The following NIM1K variants were observed in gnomAD, a reference collection of about 807,000 sequenced individuals.
NIM1K encodes serine/threonine-protein kinase NIM1.
A neutral mutation model predicts 37.1 loss-of-function variants in NIM1K; 35 were observed. The observed-to-expected ratio is 0.94, with a 90% CI of 0.72 to 1.25. NIM1K has a LOEUF of 1.25. NIM1K is among the 50% of genes most tolerant of loss of function. The pLI is 0.00. For missense variants in NIM1K, 564 were observed against 548.0 expected, an observed-to-expected ratio of 1.03 and a Z score of -0.29; for synonymous variants, 234 against 206.6, an observed-to-expected ratio of 1.13 and a Z score of -1.14.
At chr5:43,233,098 A>G in intron 1 of NIM1K, 2 of 1,346,964 alleles carry the variant, frequency 1.5e-6, no homozygotes, top group Non-Finnish European at 1.1e-6. Context: ...GCCATGTTCC[A>G]GGCAGTAGGG....
chr5:43,262,228 T>C (rs1327651537), intron 2 of NIM1K, among the ~76,000 whole-genome samples: 3 of 152,238 alleles, frequency 2.0e-5, no homozygotes, highest in Non-Finnish European at 4.4e-5. Context: ...ATATTGATTC[T>C]TCCTATCCAT....
chr5:43,221,075 C>T (rs1054305335), intron 1 of NIM1K, among the ~76,000 whole-genome samples: 8 of 152,006 alleles, frequency 5.3e-5, no homozygotes, highest in East Asian at 1.9e-4. Context: ...GAACTCACAG[C>T]GAGTCCCAAT....
chr5:43,202,955 G>T (rs1306644541), intron 1 of NIM1K, among the ~76,000 whole-genome samples: 1 of 152,118 alleles, frequency 6.6e-6, no homozygotes, highest in Non-Finnish European at 1.5e-5. Context: ...GATTTTCAAT[G>T]GCGCCTCACA....
intron 1 of NIM1K, among the ~76,000 whole-genome samples, chr5:43,205,364 G>A (rs1752093011): frequency 1.3e-5 from 2 of 152,196 alleles, no homozygotes; most frequent in South Asian, 2.1e-4. Flanking sequence ...AATGTCTGAT[G>A]TACAGTAAGT....
At chr5:43,196,921 C>T (rs574799485) in intron 1 of NIM1K, among the ~76,000 whole-genome samples, 3 of 149,284 alleles carry the variant, frequency 2.0e-5, no homozygotes, top group South Asian at 2.1e-4. Flanking sequence ...TATAGGTGCA[C>T]GCTACCATGC....
chr5:43,250,499 G>GCTTT (rs1434543180), intron 2 of NIM1K, among the ~76,000 whole-genome samples: 7 of 152,124 alleles, frequency 4.6e-5, no homozygotes, highest in Non-Finnish European at 7.3e-5. Flanking sequence ...TGGTCAGAGG[G>GCTTT]CATGCATTGA....
chr5:43,256,810 T>C (rs994520867), intron 2 of NIM1K, among the ~76,000 whole-genome samples: 1 of 152,220 alleles, frequency 6.6e-6, no homozygotes, highest in Non-Finnish European at 1.5e-5. Flanking sequence ...AATTCAGGCA[T>C]AACTCTTAGC....
At position 43,280,076 on chromosome 5, in the gene NIM1K, G is replaced by C. The variant is rs776701629; in HGVS notation, c.658G>C (p.Val220Leu). 1.2e-6 allele frequency: 2 copies of C among 1,614,062 alleles called. No homozygotes were observed. Among genetic ancestry groups the C allele is most frequent in the Non-Finnish European group, 1.7e-6 (2 of 1,180,030 alleles). Reference sequence around the variant, plus strand: ...GGTGGGCGATTTTGGATTCAGCACAGTAAGCAAAAAAGGTGAAATGCTGAA... The same window carrying C: ...GGTGGGCGATTTTGGATTCAGCACACTAAGCAAAAAAGGTGAAATGCTGAA... Reference protein sequence around the residue: ...VKVGDFGFSTVSKKGEMLNTF... With the variant: ...VKVGDFGFSTLSKKGEMLNTF... The change falls in exon 4 of 4, where the codon GTA (valine) becomes CTA (leucine). Residue 220 changes from valine to leucine, a missense_variant. Coordinates refer to ENST00000326035, the MANE Select transcript of NIM1K (RefSeq NM_153361.4).
At chr5:43,264,277 T>C (rs548985181) in intron 2 of NIM1K, among the ~76,000 whole-genome samples, 16 of 152,168 alleles carry the variant, frequency 1.1e-4, no homozygotes, top group African/African-American at 3.9e-4. Flanking sequence ...TAGGTCTCTA[T>C]GGACTTGTTT....
intron 1 of NIM1K, among the ~76,000 whole-genome samples, chr5:43,224,928 T>C (rs1389912206): frequency 6.6e-6 from 1 of 152,066 alleles, no homozygotes; most frequent in Non-Finnish European, 1.5e-5. Flanking sequence ...ACCCCTGACC[T>C]TGTGATCCAC....
intron 1 of NIM1K, chr5:43,193,366 C>T (rs1462378881): frequency 6.6e-6 from 1 of 151,176 alleles, no homozygotes; most frequent in Admixed American, 6.6e-5. Flanking sequence ...TCCCTCCCTC[C>T]CTTTCTCCCT....
At chr5:43,235,580 T>G (rs1752608666) in intron 1 of NIM1K, among the ~76,000 whole-genome samples, 1 of 152,382 alleles carries the variant, frequency 6.6e-6, no homozygotes, top group South Asian at 2.1e-4. Context: ...TGTTGGGACC[T>G]AAATTCTTAC....
intron 2 of NIM1K, among the ~76,000 whole-genome samples, chr5:43,272,702 G>T (rs777522228): frequency 3.3e-5 from 5 of 152,038 alleles, no homozygotes; most frequent in African/African-American, 1.2e-4. Context: ...GACGTATTTT[G>T]CTTGGTCTAA....
chr5:43,233,943 A>AGAT (rs1752580081), intron 1 of NIM1K, among the ~76,000 whole-genome samples: 1 of 152,230 alleles, frequency 6.6e-6, no homozygotes, highest in African/African-American at 2.4e-5. Context: ...TCCTCAGAGA[A>AGAT]GATGGGAAGA....
intron 2 of NIM1K, among the ~76,000 whole-genome samples, chr5:43,259,847 C>A (rs571376381): frequency 2.6e-4 from 40 of 152,104 alleles, no homozygotes; most frequent in African/African-American, 8.7e-4. Flanking sequence ...GTCTTAGTCA[C>A]AAATTCTTTA....
At chr5:43,201,973 C>CA (rs1233857895) in intron 1 of NIM1K, among the ~76,000 whole-genome samples, 2,400 of 88,906 alleles carry the variant, frequency 0.027, 58 homozygotes, top group African/African-American at 0.082. Flanking sequence ...GACTCCCTCT[C>CA]AAAAAAAAAA....
intron 1 of NIM1K, among the ~76,000 whole-genome samples, chr5:43,241,899 C>T (rs147244168): frequency 6.6e-6 from 1 of 151,932 alleles, no homozygotes; most frequent in Non-Finnish European, 1.5e-5. Context: ...GTTTATTTTA[C>T]ATTTACTTAG....
chr5:43,252,149 T>C (rs974097607), intron 2 of NIM1K, among the ~76,000 whole-genome samples: 1 of 152,010 alleles, frequency 6.6e-6, no homozygotes, highest in African/African-American at 2.4e-5. Context: ...TAATAATTAG[T>C]GTTTATATAC....
rs557683004 is a variant in NIM1K at position 43,217,533 on chromosome 5, C to G, written c.-695+25122C>G. Among the ~76,000 whole-genome samples the G allele has an allele frequency of 2.6e-5, 4 of 151,242 alleles. No homozygotes were observed. In the South Asian group the frequency reaches 8.4e-4, roughly 32 times the overall value. ...GCAGCATATTATGGTTCCAGTTTCT[C>G]CACACCCTTGCCAACACTTGTTACT... On this transcript the variant is annotated intron_variant, in intron 1 of 3. Coordinates refer to ENST00000326035, the MANE Select transcript of NIM1K (RefSeq NM_153361.4).
Sources: gnomAD v4.1 joint callset for allele counts (sites outside exome capture counted in the v4.1 genomes callset) on GRCh38, gnomAD v4.1.1 for gene constraint, MANE v1.5 for transcripts, NCBI Gene and HGNC (gene_info 2026-07-23, HGNC 2026-07-21) for gene names.